Variants in NTM observed in about 807,000 individuals in gnomAD.
NTM encodes the protein neurotrimin, also known as IgLON family member 2.
NTM carries 13 observed loss-of-function variants against 42.1 expected under a neutral mutation model. The ratio of observed to expected loss-of-function variants is 0.31; its 90% CI spans 0.20 to 0.49. The LOEUF (loss-of-function observed/expected upper bound fraction) is 0.49. NTM is among the 20% of genes least tolerant of loss of function. The probability of loss-of-function intolerance (pLI) is 0.99; values close to 1 mark genes in which losing one functional copy is unlikely to be tolerated. For missense variants in NTM, 373 were observed against 452.8 expected (o/e 0.82, Z 1.60); for synonymous variants, 187 against 179.2 (o/e 1.04, Z -0.35).
intron 1 of NTM, among the ~76,000 whole-genome samples, chr11:131,693,158 G>A (rs1207092858): frequency 6.6e-6 from 1 of 152,052 alleles, no homozygotes; most frequent in African/African-American, 2.4e-5. Flanking sequence ...AGGTGGGCTG[G>A]GGAAATTCAC....
intron 4 of NTM, among the ~76,000 whole-genome samples, chr11:132,259,064 G>C (rs2092682624): frequency 6.6e-6 from 1 of 152,116 alleles, no homozygotes; most frequent in Admixed American, 6.6e-5. Context: ...CACCTCCCCT[G>C]CCTTGGTTTC....
At chr11:131,983,136 A>G (rs1475150454) in intron 2 of NTM, among the ~76,000 whole-genome samples, 1 of 152,064 alleles carries the variant, frequency 6.6e-6, no homozygotes, top group Non-Finnish European at 1.5e-5. Flanking sequence ...TAATATCTGA[A>G]AGTAGGAAAA....
intron 1 of NTM, among the ~76,000 whole-genome samples, chr11:131,557,063 C>A (rs1242511002): frequency 3.3e-5 from 5 of 151,768 alleles, no homozygotes; most frequent in East Asian, 1.9e-4. Context: ...AACTTTTTTT[C>A]TTTTTTTAAC....
intron 1 of NTM, among the ~76,000 whole-genome samples, chr11:131,471,440 T>C (rs1952433362): frequency 6.6e-6 from 1 of 152,198 alleles, no homozygotes; most frequent in South Asian, 2.1e-4. Flanking sequence ...TAGGACACCA[T>C]CATCACATGA....
intron 1 of NTM, among the ~76,000 whole-genome samples, chr11:131,513,103 A>C (rs1018290707): frequency 1.3e-5 from 2 of 152,182 alleles, no homozygotes; most frequent in African/African-American, 4.8e-5. Flanking sequence ...GGAAGGCTCC[A>C]TGGCTCCCCG....
intron 1 of NTM, among the ~76,000 whole-genome samples, chr11:131,753,068 A>C (rs1412248208): frequency 6.6e-6 from 1 of 152,026 alleles, no homozygotes. Flanking sequence ...ACCCCATCAA[A>C]AAGTGGGCAA....
chr11:131,929,153 G>A (rs1283352350), intron 2 of NTM, among the ~76,000 whole-genome samples: 1 of 142,382 alleles, frequency 7.0e-6, no homozygotes, highest in African/African-American at 3.1e-5. Flanking sequence ...AGCCAGGGAG[G>A]GAAAGGAGGA....
rs150229494 is a variant in NTM, at chr11:132,269,616, C to T, written c.527-38073C>T. ...ATACAAATTGCATCACCCATAAATG[C>T]TACAGCCAGGATTGGAATCAAGGTT... On this transcript the variant is annotated intron_variant, in intron 4 of 8. Coordinates refer to ENST00000683400, the MANE Select transcript of NTM (RefSeq NM_001352005.2). 1.8e-4 allele frequency among the ~76,000 whole-genome samples: 28 copies of T among 152,288 alleles called. 1 individual carries two copies. In the East Asian group the frequency reaches 5.0e-3, roughly 27 times the overall value.
intron 1 of NTM, among the ~76,000 whole-genome samples, chr11:131,452,656 A>G (rs1454656352): frequency 6.6e-6 from 1 of 152,224 alleles, no homozygotes; most frequent in Non-Finnish European, 1.5e-5. Flanking sequence ...CTATGAAGAC[A>G]CTGAGGCTGA....
chr11:131,660,689 TGGGGCTAG>T (rs1565388537), intron 1 of NTM: 2 of 428,594 alleles, frequency 4.7e-6, no homozygotes, highest in East Asian at 1.4e-4. Flanking sequence ...ACAGAGGGTG[TGGGGCTAG>T]GGTGGTGAAG....
intron 1 of NTM, among the ~76,000 whole-genome samples, chr11:131,830,933 C>T (rs1280841770): frequency 1.3e-5 from 2 of 150,196 alleles, no homozygotes; most frequent in African/African-American, 4.8e-5. Context: ...TTTATTGCAG[C>T]TATTGTAAAT....
At position 131,944,505 on chromosome 11, in the gene NTM, A is replaced by G. The variant is rs1351476128; in HGVS notation, c.167+32857A>G. Among the ~76,000 whole-genome samples the G allele has an allele frequency of 6.6e-5, 10 of 152,216 alleles. 1 individual carries two copies. The highest frequency in any genetic ancestry group is 6.5e-4 in the Admixed American group (10 of 15,282). ...ATGAGGAACAATGATATCAGCATGTAATCTCAGCATTTTGCCCTTGAAATA... is the reference window on the plus strand; with the variant it reads ...ATGAGGAACAATGATATCAGCATGTGATCTCAGCATTTTGCCCTTGAAATA... On this transcript the variant is annotated intron_variant, in intron 2 of 8. Coordinates refer to ENST00000683400, the MANE Select transcript of NTM (RefSeq NM_001352005.2).
intron 1 of NTM, among the ~76,000 whole-genome samples, chr11:131,421,175 G>T (rs1947478619): frequency 6.6e-6 from 1 of 152,200 alleles, no homozygotes; most frequent in South Asian, 2.1e-4. Flanking sequence ...CCTGAGATCA[G>T]TATGTCCTGT....
chr11:131,796,713 A>G (rs759796988), intron 1 of NTM, among the ~76,000 whole-genome samples: 10 of 152,192 alleles, frequency 6.6e-5, no homozygotes, highest in Non-Finnish European at 1.3e-4. Context: ...CCTCGACATC[A>G]GCGCATGCGT....
intron 2 of NTM, among the ~76,000 whole-genome samples, chr11:132,005,444 T>C (rs1293289166): frequency 1.3e-5 from 2 of 152,192 alleles, no homozygotes; most frequent in East Asian, 3.9e-4. Flanking sequence ...ACTTGCATTG[T>C]GGCAGACAGA....
intron 1 of NTM, among the ~76,000 whole-genome samples, chr11:131,513,778 T>C (rs2048548002): frequency 1.3e-5 from 2 of 152,158 alleles, no homozygotes; most frequent in South Asian, 4.2e-4. Context: ...ATAAGTATTG[T>C]TGTGTAAAGG....
chr11:132,093,681 G>A (rs1306747789), intron 2 of NTM, among the ~76,000 whole-genome samples: 1 of 152,130 alleles, frequency 6.6e-6, no homozygotes, highest in Non-Finnish European at 1.5e-5. Context: ...TTTCTTTGTA[G>A]AAGGCATTGT....
rs2095774450 is a variant in NTM, at chr11:132,330,205, A to AGCT, written c.967+26_967+28dup. ...GGAAAGGTTTGTATATTTTTCAGAC[A>AGCT]GCTGCTGCCTTGGTGGGTGTGGGGT... On this transcript the variant is annotated intron_variant, in intron 8 of 8. Coordinates refer to ENST00000683400, the MANE Select transcript of NTM (RefSeq NM_001352005.2). The AGCT allele has an allele frequency of 6.4e-7, 1 of 1,551,164 alleles. No individual in the cohort carries two copies. The highest frequency in any genetic ancestry group is 1.7e-4 in the Middle Eastern group (1 of 5,992).
intron 2 of NTM, among the ~76,000 whole-genome samples, chr11:132,020,629 T>A (rs1439690623): frequency 9.0e-6 from 1 of 110,664 alleles, no homozygotes; most frequent in Non-Finnish European, 1.8e-5. Flanking sequence ...TCCCTCATAT[T>A]TGAAAAAAAA....
Sources: allele counts gnomAD v4.1 joint callset (sites outside exome capture counted in the v4.1 genomes callset), GRCh38; gene constraint gnomAD v4.1.1; transcripts MANE v1.5; gene names NCBI Gene and HGNC (gene_info 2026-07-23, HGNC 2026-07-21).